MIPEP: variants seen among roughly 807,000 people sequenced by gnomAD.
The protein encoded by MIPEP is mitochondrial intermediate peptidase.
In MIPEP, 79 loss-of-function variants were observed where a neutral mutation model predicts 90.3. That is an observed-to-expected ratio of 0.87 (90% CI 0.73 to 1.05). The LOEUF is 1.05. Among genes scored for constraint, MIPEP ranks in the 50% least tolerant of loss-of-function variants. The probability of loss-of-function intolerance (pLI) is 0.00; values close to 1 mark genes in which losing one functional copy is unlikely to be tolerated. For missense variants in MIPEP, 940 were observed against 905.6 expected, an observed-to-expected ratio of 1.04 and a Z score of -0.49; for synonymous variants, 334 against 315.8, an observed-to-expected ratio of 1.06 and a Z score of -0.61.
At chr13:23,862,263 A>C in intron 9 of MIPEP, 39 bp downstream of exon 9, 1 of 1,194,134 alleles carries the variant, frequency 8.4e-7, no homozygotes, top group Non-Finnish European at 1.2e-6. Context: ...CAGTTGACAG[A>C]CTGTCTATAT....
At chr13:23,834,042 C>A (rs984475131) in intron 14 of MIPEP, among the ~76,000 whole-genome samples, 2 of 152,126 alleles carry the variant, frequency 1.3e-5, no homozygotes, top group African/African-American at 4.8e-5. Context: ...CTGACCCCTT[C>A]ACCAGCCGTG....
At chr13:23,750,316 C>G (rs1407968011) in intron 18 of MIPEP, among the ~76,000 whole-genome samples, 3 of 152,080 alleles carry the variant, frequency 2.0e-5, no homozygotes, top group African/African-American at 7.2e-5. Flanking sequence ...TTTTTCTGTT[C>G]CAGGACCAAC....
At chr13:23,826,554 G>A (rs1868461294) in intron 14 of MIPEP, among the ~76,000 whole-genome samples, 1 of 152,028 alleles carries the variant, frequency 6.6e-6, no homozygotes, top group African/African-American at 2.4e-5. Context: ...CTCTAAACAA[G>A]TCTTTGCTTA....
intron 14 of MIPEP, among the ~76,000 whole-genome samples, chr13:23,816,215 A>C (rs1408013400): frequency 2.0e-5 from 3 of 152,044 alleles, no homozygotes. Flanking sequence ...GCAAATTCTC[A>C]GTTATTATGC....
chr13:23,809,900 G>A lies in MIPEP; in HGVS notation c.1678C>T (p.Arg560Cys), dbSNP rs200720112. The A allele has an allele frequency of 1.5e-5, 25 of 1,613,224 alleles. No individual in the cohort carries two copies. Among genetic ancestry groups the A allele is most frequent in the East Asian group, 4.5e-5 (2 of 44,826 alleles). ...GQPLPKNMVS[R>C]LCESKKVCAA... ...CAAACCTTTTTAGATTCACAAAGAC[G>A]AGACACCATATTTTTTGGCAGTGGC... Residue 560 changes from arginine to cysteine, a missense_variant, in exon 15 of 19, where the codon CGT (arginine) becomes TGT (cysteine). Physicochemically the swap from Arg to Cys is radical, Grantham distance 180 (BLOSUM62 -3). Transcript: ENST00000382172.
intron 14 of MIPEP, among the ~76,000 whole-genome samples, chr13:23,827,487 G>A (rs948910578): frequency 3.9e-5 from 6 of 152,022 alleles, no homozygotes; most frequent in African/African-American, 7.2e-5. Flanking sequence ...GATGAATTCC[G>A]ACAGTTTTAA....
At chr13:23,870,270 A>T in intron 5 of MIPEP, 75 bp from the exon 6 acceptor site, 1 of 950,832 alleles carries the variant, frequency 1.1e-6, no homozygotes, top group Non-Finnish European at 1.5e-6. Flanking sequence ...ACAAAATATA[A>T]ATATGTCAAA....
Position 23,886,422 on chromosome 13 carries a change from C to T in MIPEP, c.274G>A (p.Val92Met), listed in dbSNP as rs1871485264. 1 of 1,608,852 alleles carries T rather than the reference C, an allele frequency of 6.2e-7. No individual in the cohort carries two copies. Among genetic ancestry groups the T allele is most frequent in the Non-Finnish European group, 8.5e-7 (1 of 1,177,298 alleles). The change falls in exon 2 of 19, where the codon GTG (valine) becomes ATG (methionine). Residue 92 changes from valine to methionine, a missense_variant. Coordinates refer to ENST00000382172, the MANE Select transcript of MIPEP (RefSeq NM_005932.4). ...GGTGGGGTGGAACATGCACGGTCCACAAGCAATTCTGTCTTTCTCAAGGCT... is the reference window on the plus strand; with the variant it reads ...GGTGGGGTGGAACATGCACGGTCCATAAGCAATTCTGTCTTTCTCAAGGCT... ...EKALRKTELL[V>M]DRACSTPPGP...
chr13:23,827,794 T>C (rs1316575584), intron 14 of MIPEP, among the ~76,000 whole-genome samples: 3 of 152,184 alleles, frequency 2.0e-5, no homozygotes, highest in African/African-American at 7.2e-5. Context: ...TAGCCATGTG[T>C]GGTGGCACAC....
chr13:23,763,391 T>C (rs1410067861), intron 16 of MIPEP, among the ~76,000 whole-genome samples: 1 of 152,262 alleles, frequency 6.6e-6, no homozygotes, highest in Admixed American at 6.5e-5. Context: ...CCGGAATTTG[T>C]AGCATACAGT....
intron 7 of MIPEP, among the ~76,000 whole-genome samples, chr13:23,868,063 C>T (rs1239200895): frequency 6.6e-6 from 1 of 152,000 alleles, no homozygotes; most frequent in Non-Finnish European, 1.5e-5. Flanking sequence ...TAAAAACACA[C>T]ATTTAATACA....
At chr13:23,790,982 C>G (rs1952892675) in intron 16 of MIPEP, among the ~76,000 whole-genome samples, 1 of 152,116 alleles carries the variant, frequency 6.6e-6, no homozygotes, top group African/African-American at 2.4e-5. Context: ...AATATCCACT[C>G]CAAGCATTCC....
intron 5 of MIPEP, among the ~76,000 whole-genome samples, chr13:23,873,273 A>G (rs973160207): frequency 6.6e-6 from 1 of 152,226 alleles, no homozygotes; most frequent in African/African-American, 2.4e-5. Context: ...CACGAGTGTG[A>G]GCTCTTTGTT....
chr13:23,851,865 C>T (rs1313972226), intron 10 of MIPEP, among the ~76,000 whole-genome samples: 4 of 152,116 alleles, frequency 2.6e-5, no homozygotes, highest in Non-Finnish European at 5.9e-5. Flanking sequence ...AGCTATTTCA[C>T]ATCTTTTGAT....
At position 23,815,639 on chromosome 13, in the gene MIPEP, C is replaced by T. The variant is rs535545930; in HGVS notation, c.1654-5715G>A. The stretch of plus-strand genomic sequence containing the variant: ...TTAATTTTTTTCATTTATAAAATAG[C>T]CGATTATCTTGAACCCAAAATGTAC... On this transcript the variant is annotated intron_variant, in intron 14 of 18. Transcript: ENST00000382172. Among the ~76,000 whole-genome samples the T allele has an allele frequency of 2.6e-5, 4 of 152,140 alleles. No individual in the cohort carries two copies. In the South Asian group the frequency reaches 8.3e-4, roughly 32 times the overall value.
chr13:23,860,473 GA>G lies in MIPEP; in HGVS notation c.1054-1562del, dbSNP rs567089471. Among the ~76,000 whole-genome samples the G allele has an allele frequency of 1.6e-3, 246 of 152,348 alleles. 1 individual carries two copies. Among genetic ancestry groups the G allele is most frequent in the African/African-American group, 5.6e-3 (233 of 41,590 alleles). ...CACACAGGTATTAGGAGAGAGCAAA[GA>G]ACACAGCCTCGGCTTGGAGGGGCAG... is the stretch of plus-strand genomic sequence containing the variant. On this transcript the variant is annotated intron_variant, in intron 9 of 18. Coordinates refer to ENST00000382172, the MANE Select transcript of MIPEP (RefSeq NM_005932.4).
intron 11 of MIPEP, 56 bp from the exon 12 acceptor site, chr13:23,839,782 C>A: frequency 7.9e-7 from 1 of 1,262,928 alleles, no homozygotes. Flanking sequence ...TCTCTAAAAT[C>A]CCTAACACAA....
At chr13:23,880,628 C>T (rs1871236025) in intron 3 of MIPEP, among the ~76,000 whole-genome samples, 1 of 152,224 alleles carries the variant, frequency 6.6e-6, no homozygotes, top group African/African-American at 2.4e-5. Context: ...AGAGGCAAAG[C>T]TTTCTCCCAG....
chr13:23,799,654 G>A (rs1426134902), intron 16 of MIPEP, among the ~76,000 whole-genome samples: 1 of 152,132 alleles, frequency 6.6e-6, no homozygotes, highest in East Asian at 1.9e-4. Flanking sequence ...ATGCTAACAC[G>A]GTGTCACTAT....
Sources: allele counts gnomAD v4.1 joint callset (sites outside exome capture counted in the v4.1 genomes callset), GRCh38; gene constraint gnomAD v4.1.1; transcripts MANE v1.5; gene names NCBI Gene and HGNC (gene_info 2026-07-23, HGNC 2026-07-21).